The following PDE4D variants were observed in gnomAD, a reference collection of about 807,000 sequenced individuals.
PDE4D encodes phosphodiesterase 4D, also known as 3',5'-cyclic-AMP phosphodiesterase 4D.
A neutral mutation model predicts 87.4 loss-of-function variants in PDE4D; 24 were observed. That is an observed-to-expected ratio of 0.27 (90% CI 0.20 to 0.39). The LOEUF (loss-of-function observed/expected upper bound fraction) is 0.39. PDE4D is among the 10% of genes least tolerant of loss of function. The pLI is 1.00. For synonymous variants in PDE4D, 384 were observed against 383.2 expected, an observed-to-expected ratio of 1.00 and a Z score of -0.02; for missense variants, 714 against 1,041.0, an observed-to-expected ratio of 0.69 and a Z score of 4.32.
chr5:60,326,027 G>C (rs74505648), intron 1 of PDE4D, among the ~76,000 whole-genome samples: 8 of 152,080 alleles, frequency 5.3e-5, no homozygotes, highest in African/African-American at 1.9e-4. Context: ...GTAGTATTCC[G>C]TGGTGTAGAT....
chr5:59,560,082 G>A (rs1406191070), intron 1 of PDE4D, among the ~76,000 whole-genome samples: 1 of 152,272 alleles, frequency 6.6e-6, no homozygotes, highest in Admixed American at 6.5e-5. Context: ...ATTTGGTTTA[G>A]GACATGGCAC....
chr5:59,097,328 C>T (rs558464815), intron 5 of PDE4D, among the ~76,000 whole-genome samples: 2 of 152,276 alleles, frequency 1.3e-5, no homozygotes, highest in African/African-American at 4.8e-5. Flanking sequence ...CGTTTGTCTT[C>T]CTGACGATAG....
At chr5:59,953,011 C>T (rs1434729856) in intron 3 of PDE4D, among the ~76,000 whole-genome samples, 2 of 152,080 alleles carry the variant, frequency 1.3e-5, no homozygotes, top group African/African-American at 4.8e-5. Context: ...AAATAGAAAA[C>T]TAATACATCC....
At chr5:60,443,061 G>C (rs756991187) in intron 1 of PDE4D, among the ~76,000 whole-genome samples, 1 of 152,016 alleles carries the variant, frequency 6.6e-6, no homozygotes, top group Non-Finnish European at 1.5e-5. Flanking sequence ...AGAAAGATAC[G>C]AGCAAATAGA....
intron 1 of PDE4D, among the ~76,000 whole-genome samples, chr5:60,496,874 TG>T (rs1265624017): frequency 2.0e-5 from 3 of 152,218 alleles, no homozygotes; most frequent in African/African-American, 7.2e-5. Flanking sequence ...GAAATGTGAT[TG>T]TTGTGTTTCA....
chr5:60,377,347 T>C (rs1761510735), intron 1 of PDE4D, among the ~76,000 whole-genome samples: 1 of 152,174 alleles, frequency 6.6e-6, no homozygotes, highest in Admixed American at 6.6e-5. Context: ...CATAAACAAC[T>C]GGCCCATTTG....
chr5:59,147,188 A>G (rs1581056099), intron 5 of PDE4D, among the ~76,000 whole-genome samples: 2 of 152,330 alleles, frequency 1.3e-5, no homozygotes, highest in East Asian at 3.9e-4. Flanking sequence ...GTTGGGGACC[A>G]CTGCTGTATA....
At chr5:60,400,677 A>T (rs960394609) in intron 1 of PDE4D, among the ~76,000 whole-genome samples, 1 of 152,132 alleles carries the variant, frequency 6.6e-6, no homozygotes, top group African/African-American at 2.4e-5. Context: ...CACGCCTGTT[A>T]TCCTAGCACT....
chr5:59,131,637 C>A (rs1173166998), intron 5 of PDE4D, among the ~76,000 whole-genome samples: 1 of 101,722 alleles, frequency 9.8e-6, no homozygotes, highest in Non-Finnish European at 2.2e-5. Flanking sequence ...CACACACACA[C>A]ACACACACAT....
intron 5 of PDE4D, among the ~76,000 whole-genome samples, chr5:59,176,804 G>A (rs993731127): frequency 6.6e-6 from 1 of 152,152 alleles, no homozygotes; most frequent in Non-Finnish European, 1.5e-5. Flanking sequence ...CTTAGACTTA[G>A]AAATTCATCC....
intron 5 of PDE4D, among the ~76,000 whole-genome samples, chr5:59,055,638 C>A (rs1762222423): frequency 6.6e-6 from 1 of 152,102 alleles, no homozygotes; most frequent in Non-Finnish European, 1.5e-5. Flanking sequence ...AAAGGAGGGG[C>A]AGGGAGGCCC....
At chr5:59,912,873 A>T (rs1453560608) in intron 3 of PDE4D, among the ~76,000 whole-genome samples, 1 of 152,246 alleles carries the variant, frequency 6.6e-6, no homozygotes, top group African/African-American at 2.4e-5. Flanking sequence ...ATAGTGAGGC[A>T]TGTTATTCTG....
chr5:58,987,167 A>C (rs541156038), intron 11 of PDE4D, among the ~76,000 whole-genome samples: 9 of 151,994 alleles, frequency 5.9e-5, no homozygotes, highest in Non-Finnish European at 1.2e-4. Flanking sequence ...CTCCCCACTG[A>C]TACCTCCCCA....
At chr5:60,014,829 C>T (rs1045781862) in intron 2 of PDE4D, among the ~76,000 whole-genome samples, 2 of 152,148 alleles carry the variant, frequency 1.3e-5, no homozygotes, top group South Asian at 2.1e-4. Flanking sequence ...AAAGTGACTC[C>T]GTTTGCGAAT....
chr5:59,417,215 A>G (rs1399407860), intron 1 of PDE4D, among the ~76,000 whole-genome samples: 1 of 152,172 alleles, frequency 6.6e-6, no homozygotes, highest in African/African-American at 2.4e-5. Flanking sequence ...TCATATTAAA[A>G]TGTACAGAAT....
intron 5 of PDE4D, among the ~76,000 whole-genome samples, chr5:59,073,252 T>G (rs978423455): frequency 3.3e-5 from 5 of 152,078 alleles, no homozygotes; most frequent in Non-Finnish European, 5.9e-5. Context: ...ATAGCAGAAG[T>G]ACAAAGCTGA....
intron 1 of PDE4D, among the ~76,000 whole-genome samples, chr5:60,193,626 T>C (rs1280611421): frequency 2.4e-5 from 3 of 122,974 alleles, no homozygotes; most frequent in Admixed American, 1.1e-4. Flanking sequence ...GAGCCGAGAT[T>C]GCGCCACTGC....
At chr5:60,294,176 G>A (rs1197762001) in intron 1 of PDE4D, among the ~76,000 whole-genome samples, 1 of 152,088 alleles carries the variant, frequency 6.6e-6, no homozygotes, top group African/African-American at 2.4e-5. Context: ...TTTAGCTGAA[G>A]CCTAAAGATG....
At chr5:59,984,438 TC>T (rs1762211703) in intron 3 of PDE4D, among the ~76,000 whole-genome samples, 1 of 152,226 alleles carries the variant, frequency 6.6e-6, no homozygotes, top group South Asian at 2.1e-4. Flanking sequence ...GTTATAGGCA[TC>T]CCAGGTCTTA....
Sources: gnomAD v4.1 joint callset for allele counts (sites outside exome capture counted in the v4.1 genomes callset) on GRCh38, gnomAD v4.1.1 for gene constraint, MANE v1.5 for transcripts, NCBI Gene and HGNC (gene_info 2026-07-23, HGNC 2026-07-21) for gene names.